TCF7L1: variants seen among roughly 807,000 people sequenced by gnomAD.
TCF7L1 encodes transcription factor 7-like 1.
A neutral mutation model predicts 63.7 loss-of-function variants in TCF7L1; 18 were observed. That is an observed-to-expected ratio of 0.28 (90% CI 0.20 to 0.42). The LOEUF (loss-of-function observed/expected upper bound fraction) is 0.42, where lower values mean the gene tolerates loss of function less well. Among genes scored for constraint, TCF7L1 ranks in the 10% least tolerant of loss-of-function variants. The probability of loss-of-function intolerance (pLI) is 1.00; values close to 1 mark genes in which losing one functional copy is unlikely to be tolerated. For missense variants in TCF7L1, 654 were observed against 779.3 expected, an observed-to-expected ratio of 0.84 and a Z score of 1.91; for synonymous variants, 355 against 340.9, an observed-to-expected ratio of 1.04 and a Z score of -0.46.
At chr2:85,304,947 A>G (rs1483479208) in intron 7 of TCF7L1, among the ~76,000 whole-genome samples, 1 of 152,090 alleles carries the variant, frequency 6.6e-6, no homozygotes, top group Non-Finnish European at 1.5e-5. Context: ...GGACAGAGGA[A>G]AGCTGCCCAC....
At chr2:85,305,761 C>T (rs571613933) in intron 8 of TCF7L1, among the ~76,000 whole-genome samples, 32 of 152,260 alleles carry the variant, frequency 2.1e-4, no homozygotes, top group Admixed American at 1.8e-3. Flanking sequence ...GGCTGGTGGC[C>T]GAGCTGAGAT....
At chr2:85,216,641 C>T (rs575743197) in intron 3 of TCF7L1, among the ~76,000 whole-genome samples, 6 of 152,224 alleles carry the variant, frequency 3.9e-5, no homozygotes, top group African/African-American at 1.2e-4. Context: ...CCCTTCCTCC[C>T]GGCCCTGGAA....
At chr2:85,222,389 G>T (rs950130835) in intron 3 of TCF7L1, among the ~76,000 whole-genome samples, 2 of 149,822 alleles carry the variant, frequency 1.3e-5, no homozygotes, top group Admixed American at 6.7e-5. Context: ...TAAAGGCTTG[G>T]CCAGGCGTGG....
intron 3 of TCF7L1, among the ~76,000 whole-genome samples, chr2:85,172,140 G>A (rs367876548): frequency 1.3e-5 from 2 of 152,046 alleles, no homozygotes; most frequent in Non-Finnish European, 2.9e-5. Context: ...GGGGAGCCCC[G>A]CAGTGCTTCC....
chr2:85,155,758 GT>G (rs1678128358), intron 3 of TCF7L1, among the ~76,000 whole-genome samples: 1 of 152,088 alleles, frequency 6.6e-6, no homozygotes. Flanking sequence ...GGATTAGGAC[GT>G]TAATTTCCTG....
At chr2:85,183,337 G>A (rs1678848173) in intron 3 of TCF7L1, among the ~76,000 whole-genome samples, 1 of 152,174 alleles carries the variant, frequency 6.6e-6, no homozygotes, top group Non-Finnish European at 1.5e-5. Context: ...ACCAAGGGGA[G>A]TCACCTAGGA....
intron 3 of TCF7L1, among the ~76,000 whole-genome samples, chr2:85,176,207 T>C (rs1678674228): frequency 6.6e-6 from 1 of 152,152 alleles, no homozygotes; most frequent in Non-Finnish European, 1.5e-5. Context: ...CTGGTGTAGC[T>C]CTCGTGCAGC....
intron 3 of TCF7L1, among the ~76,000 whole-genome samples, chr2:85,254,730 G>A (rs1680669787): frequency 6.6e-6 from 1 of 152,146 alleles, no homozygotes; most frequent in Non-Finnish European, 1.5e-5. Context: ...TCGCCAATCT[G>A]CACTGAGATC....
At chr2:85,173,986 C>T (rs1678617501) in intron 3 of TCF7L1, among the ~76,000 whole-genome samples, 1 of 152,228 alleles carries the variant, frequency 6.6e-6, no homozygotes, top group Non-Finnish European at 1.5e-5. Flanking sequence ...CCGCCCGCCT[C>T]AGCCTCACAA....
At chr2:85,198,254 A>G (rs1679200660) in intron 3 of TCF7L1, among the ~76,000 whole-genome samples, 1 of 152,238 alleles carries the variant, frequency 6.6e-6, no homozygotes, top group African/African-American at 2.4e-5. Context: ...TCAGTTTATA[A>G]AACAGCTGAG....
intron 3 of TCF7L1, among the ~76,000 whole-genome samples, chr2:85,196,148 C>G (rs910346195): frequency 3.9e-5 from 6 of 152,212 alleles, no homozygotes; most frequent in Non-Finnish European, 7.3e-5. Flanking sequence ...CCTGCCAGGA[C>G]TCATACGAGA....
At chr2:85,235,546 C>G (rs1452447427) in intron 3 of TCF7L1, among the ~76,000 whole-genome samples, 1 of 151,990 alleles carries the variant, frequency 6.6e-6, no homozygotes, top group Non-Finnish European at 1.5e-5. Context: ...GGCACATTTC[C>G]TCATCTGTAC....
chr2:85,291,991 G>GTTTT (rs1681727037), intron 4 of TCF7L1, among the ~76,000 whole-genome samples: 1 of 20,178 alleles, frequency 5.0e-5, no homozygotes, highest in Non-Finnish European at 6.7e-5. Flanking sequence ...CTGGTCATAT[G>GTTTT]TATTTTTTTT....
At position 85,133,580 on chromosome 2, in the gene TCF7L1, A is replaced by C; in HGVS notation, c.-105A>C. 1 of 291,660 alleles carries C rather than the reference A, an allele frequency of 3.4e-6. No homozygotes were observed. The highest frequency in any genetic ancestry group is 5.1e-6 in the Non-Finnish European group (1 of 197,992). 18.1% of individuals were successfully genotyped at this position (291,660 alleles called of 1,614,324 possible). On this transcript the variant is annotated 5_prime_UTR_variant, in exon 1 of 12. Coordinates refer to ENST00000282111, the MANE Select transcript of TCF7L1 (RefSeq NM_031283.3). The surrounding 1 kb of genome is among the most constrained non-coding windows in gnomAD (Gnocchi z 4.4). ...CCTGTCAAACTTTGTTGCGGCGGCT[A>C]GCGCAGCGGGCCCGCAAGCGGGCGG...
chr2:85,166,006 A>G (rs1420140897), intron 3 of TCF7L1, among the ~76,000 whole-genome samples: 3 of 152,242 alleles, frequency 2.0e-5, no homozygotes, highest in East Asian at 1.9e-4. Context: ...AACTAACACC[A>G]CAATCAGATA....
chr2:85,155,165 G>C (rs1321968496), intron 3 of TCF7L1, among the ~76,000 whole-genome samples: 2 of 152,122 alleles, frequency 1.3e-5, no homozygotes, highest in African/African-American at 4.8e-5. Context: ...AAGCCAGCTG[G>C]ACTTCCTTGG....
rs775593725 is a variant in TCF7L1, at chr2:85,304,296, G to A, written c.803G>A (p.Arg268Gln). 1.2e-5 allele frequency: 20 copies of A among 1,613,828 alleles called. No individual in the cohort carries two copies. The highest frequency in any genetic ancestry group is 9.4e-5 in the African/African-American group (7 of 74,856). ...TACTCCCTTCCTCCCGGTGGCTTCC[G>A]GCACCCTTACCCCGCCCTCGCCATG... ...PMYSLPPGGF[R>Q]HPYPALAMNA... The change falls in exon 7 of 12, where the codon CGG becomes CAG. Residue 268 changes from arginine to glutamine, a missense_variant. Around this residue, in one of 3 missense-constraint regions of TCF7L1, gnomAD observed 404 missense variants for 454.8 expected, o/e 0.89. Coordinates refer to ENST00000282111, the MANE Select transcript of TCF7L1 (RefSeq NM_031283.3).
At chr2:85,295,447 C>T (rs946219524) in intron 4 of TCF7L1, among the ~76,000 whole-genome samples, 2 of 151,984 alleles carry the variant, frequency 1.3e-5, no homozygotes, top group Non-Finnish European at 2.9e-5. Context: ...GTGATCTGCC[C>T]GCCTCGGCCT....
chr2:85,182,090 C>A (rs549754382), intron 3 of TCF7L1, among the ~76,000 whole-genome samples: 1 of 152,014 alleles, frequency 6.6e-6, no homozygotes, highest in Non-Finnish European at 1.5e-5. Context: ...ATGGACGGGG[C>A]GCCTGAAGGA....
Sources: allele counts gnomAD v4.1 joint callset (sites outside exome capture counted in the v4.1 genomes callset), GRCh38; gene constraint gnomAD v4.1.1; regional missense constraint gnomAD v4.1.1; non-coding constraint Gnocchi (gnomAD v3.1); transcripts MANE v1.5; gene names NCBI Gene and HGNC (gene_info 2026-07-23, HGNC 2026-07-21).